Variants in GABRG3 observed in about 807,000 individuals in gnomAD.
GABRG3 encodes the protein gamma-aminobutyric acid type A receptor subunit gamma3.
Under a neutral mutation model 48.8 loss-of-function variants are expected in GABRG3, and 25 were observed. The ratio of observed to expected loss-of-function variants is 0.51; its 90% CI spans 0.37 to 0.72. The LOEUF is 0.72. Among genes scored for constraint, GABRG3 ranks in the 30% least tolerant of loss-of-function variants. The pLI is 0.00. For missense variants in GABRG3, 394 were observed against 577.9 expected (o/e 0.68, Z 3.26); for synonymous variants, 227 against 217.6 (o/e 1.04, Z -0.38).
chr15:27,141,205 CATAAGA>C (rs1166668794), intron 3 of GABRG3, among the ~76,000 whole-genome samples: 2 of 152,078 alleles, frequency 1.3e-5, no homozygotes. Flanking sequence ...CCTCACACAC[CATAAGA>C]ATTAGACCGC....
intron 3 of GABRG3, among the ~76,000 whole-genome samples, chr15:27,320,889 A>T (rs1431673768): frequency 1.3e-5 from 2 of 152,186 alleles, no homozygotes; most frequent in Non-Finnish European, 2.9e-5. Context: ...TTATTTTCCT[A>T]AAAAGGGCCT....
At chr15:27,484,670 G>A (rs1020003776) in intron 6 of GABRG3, among the ~76,000 whole-genome samples, 1 of 152,098 alleles carries the variant, frequency 6.6e-6, no homozygotes, top group African/African-American at 2.4e-5. Flanking sequence ...CTGCAGCAGT[G>A]AATATACAAG....
chr15:27,455,675 T>C (rs953217412), intron 5 of GABRG3, among the ~76,000 whole-genome samples: 2 of 150,100 alleles, frequency 1.3e-5, no homozygotes, highest in African/African-American at 4.9e-5. Flanking sequence ...GTATGTGTGC[T>C]GTGTGTGTGC....
At chr15:27,383,718 T>C (rs1895844639) in intron 5 of GABRG3, among the ~76,000 whole-genome samples, 1 of 152,174 alleles carries the variant, frequency 6.6e-6, no homozygotes, top group Non-Finnish European at 1.5e-5. Context: ...GCTCACTGAG[T>C]GTGAAGCATA....
intron 6 of GABRG3, among the ~76,000 whole-genome samples, chr15:27,519,643 A>AT (rs1449299147): frequency 2.0e-5 from 3 of 152,180 alleles, no homozygotes; most frequent in African/African-American, 7.2e-5. Flanking sequence ...CTTGAATTTA[A>AT]TTGTACAACC....
At chr15:27,204,950 A>G (rs1888805802) in intron 3 of GABRG3, among the ~76,000 whole-genome samples, 2 of 152,108 alleles carry the variant, frequency 1.3e-5, no homozygotes, top group South Asian at 2.1e-4. Flanking sequence ...GGCAGAAACG[A>G]TGGCATTTTC....
chr15:27,182,649 G>C (rs553252262), intron 3 of GABRG3, among the ~76,000 whole-genome samples: 1 of 150,990 alleles, frequency 6.6e-6, no homozygotes, highest in Non-Finnish European at 1.5e-5. Flanking sequence ...GCTTAGCTGA[G>C]AGGCTGGTGC....
chr15:27,178,400 T>G (rs569437241), intron 3 of GABRG3, among the ~76,000 whole-genome samples: 1 of 152,324 alleles, frequency 6.6e-6, no homozygotes, highest in East Asian at 1.9e-4. Context: ...TGGAAAGCCA[T>G]GCTTGGCATA....
At chr15:27,061,979 GCCT>G (rs1358124240) in intron 3 of GABRG3, among the ~76,000 whole-genome samples, 1 of 152,180 alleles carries the variant, frequency 6.6e-6, no homozygotes, top group Non-Finnish European at 1.5e-5. Flanking sequence ...GCTGAAATCA[GCCT>G]CCTCCTTCCT....
intron 3 of GABRG3, among the ~76,000 whole-genome samples, chr15:27,305,624 T>C (rs1892386198): frequency 7.1e-6 from 1 of 140,704 alleles, no homozygotes; most frequent in Admixed American, 7.4e-5. Context: ...TAAACATATA[T>C]ATAATATAAA....
chr15:27,132,901 G>A (rs1252421190), intron 3 of GABRG3, among the ~76,000 whole-genome samples: 1 of 151,260 alleles, frequency 6.6e-6, no homozygotes, highest in Non-Finnish European at 1.5e-5. Context: ...GATTATTGAT[G>A]TGTCATCTTT....
At chr15:27,298,822 G>A (rs1435996390) in intron 3 of GABRG3, among the ~76,000 whole-genome samples, 1 of 151,988 alleles carries the variant, frequency 6.6e-6, no homozygotes, top group African/African-American at 2.4e-5. Context: ...TTCTCCTAAT[G>A]CTATCCCGCC....
At chr15:27,481,914 C>CA (rs2150845479) in intron 6 of GABRG3, among the ~76,000 whole-genome samples, 1 of 152,274 alleles carries the variant, frequency 6.6e-6, no homozygotes, top group African/African-American at 2.4e-5. Context: ...TGCAATGTAC[C>CA]AGCAGACCTT....
At chr15:27,382,464 TACTC>T (rs1284113415) in intron 5 of GABRG3, among the ~76,000 whole-genome samples, 2 of 152,076 alleles carry the variant, frequency 1.3e-5, no homozygotes, top group Non-Finnish European at 2.9e-5. Flanking sequence ...AGGCAGAAAA[TACTC>T]AGAAGAGTCA....
intron 3 of GABRG3, among the ~76,000 whole-genome samples, chr15:27,148,402 G>C (rs140869633): frequency 7.7e-4 from 117 of 152,020 alleles, no homozygotes; most frequent in African/African-American, 2.7e-3. Flanking sequence ...GGCTTTGCTG[G>C]AGAATTTTAC....
At chr15:27,465,447 C>G (rs564854739) in intron 5 of GABRG3, among the ~76,000 whole-genome samples, 53 of 152,366 alleles carry the variant, frequency 3.5e-4, no homozygotes, top group Middle Eastern at 6.8e-3. Context: ...TGATGCCCCA[C>G]AATGCAGCAT....
chr15:27,222,303 T>C (rs1889478567), intron 3 of GABRG3, among the ~76,000 whole-genome samples: 1 of 152,218 alleles, frequency 6.6e-6, no homozygotes, highest in African/African-American at 2.4e-5. Context: ...TGCACCCACA[T>C]GCAAAATGGG....
At chr15:27,402,224 CAG>C (rs768264374) in intron 5 of GABRG3, among the ~76,000 whole-genome samples, 8 of 152,174 alleles carry the variant, frequency 5.3e-5, no homozygotes, top group Non-Finnish European at 1.0e-4. Flanking sequence ...ATGGGTATTT[CAG>C]AGTCTGGTAA....
rs554003280 is a variant in GABRG3, at chr15:27,412,509, C to G, written c.575-68141C>G. Among the ~76,000 whole-genome samples, 11 of 152,298 alleles carry G rather than the reference C, an allele frequency of 7.2e-5. No individual in the cohort carries two copies. In the South Asian group the frequency reaches 1.7e-3, roughly 23 times the overall value. On this transcript the variant is annotated intron_variant, in intron 5 of 9. Transcript: ENST00000615808. ...TACTCATTCAGATTGTTCTTTGACTCTGTCCTAAATAAATAAAGCGTGTTT... is the reference window on the plus strand; with the variant it reads ...TACTCATTCAGATTGTTCTTTGACTGTGTCCTAAATAAATAAAGCGTGTTT...
Sources: allele counts gnomAD v4.1 joint callset (sites outside exome capture counted in the v4.1 genomes callset), GRCh38; gene constraint gnomAD v4.1.1; transcripts MANE v1.5; gene names NCBI Gene and HGNC (gene_info 2026-07-23, HGNC 2026-07-21).